JHY: variants seen among roughly 807,000 people sequenced by gnomAD.
JHY encodes junctional cadherin complex regulator.
In JHY, 69 loss-of-function variants were observed where a neutral mutation model predicts 78.0. The ratio of observed to expected loss-of-function variants is 0.88; its 90% CI spans 0.73 to 1.08. The LOEUF (loss-of-function observed/expected upper bound fraction) is 1.08. Ranked by LOEUF, JHY falls within the 50% of genes least tolerant of loss-of-function variation. The probability of loss-of-function intolerance (pLI) is 0.00; values close to 1 mark genes in which losing one functional copy is unlikely to be tolerated. For missense variants in JHY, 944 were observed against 927.8 expected (o/e 1.02, Z -0.23); for synonymous variants, 368 against 342.6 (o/e 1.07, Z -0.82).
At chr11:122,886,290 C>CT in intron 2 of JHY, 97 bp downstream of exon 2, 3 of 1,162,150 alleles carry the variant, frequency 2.6e-6, no homozygotes, top group Non-Finnish European at 3.6e-6. Flanking sequence ...GCAAGCTGCC[C>CT]TAATGAGCGC....
rs903320818 is a variant in JHY, at chr11:122,935,182, GAGA to G, written c.1634+114_1634+116del. The G allele has an allele frequency of 3.5e-5, 36 of 1,029,758 alleles. No individual in the cohort carries two copies. The African/African-American group carries it at 4.7e-4, about 13-fold the overall frequency. 63.8% of individuals were successfully genotyped at this position (1,029,758 alleles called of 1,614,324 possible). ...AGGGGAATCCATAAGGTGGCTAGGT[GAGA>G]AGAAGAGTTCACCTAACAACTTCCT... On this transcript the variant is annotated intron_variant, in intron 5 of 8. Coordinates refer to ENST00000227349, the MANE Select transcript of JHY (RefSeq NM_024806.4). This position sits in a 1 kb window ranked among gnomAD's most constrained non-coding sequence, Gnocchi z 4.5.
intron 2 of JHY, among the ~76,000 whole-genome samples, chr11:122,887,167 A>G (rs1002669898): frequency 2.6e-5 from 4 of 152,224 alleles, no homozygotes; most frequent in Admixed American, 1.3e-4. Context: ...TAGCTGTATA[A>G]CCTTGGCCAA....
At chr11:122,902,206 C>T (rs983851083) in intron 2 of JHY, among the ~76,000 whole-genome samples, 50 of 151,652 alleles carry the variant, frequency 3.3e-4, no homozygotes, top group African/African-American at 1.1e-3. Context: ...CCTGTAATCC[C>T]GAAACTTTGG....
chr11:122,922,933 C>T lies in JHY; in HGVS notation c.865-1964C>T, dbSNP rs146575017. 3.3e-3 allele frequency among the ~76,000 whole-genome samples: 509 copies of T among 151,998 alleles called. 3 individuals carry two copies. Among genetic ancestry groups the T allele is most frequent in the African/African-American group, 0.012 (485 of 41,458 alleles). On this transcript the variant is annotated intron_variant, in intron 3 of 8. Transcript: ENST00000227349. ...GCTGCTTCTCCACTACACAGCCCAC[C>T]AGAGGAAATGTAACAAAACGCATGT...
At chr11:122,947,958 G>A (rs1864000604) in intron 6 of JHY, among the ~76,000 whole-genome samples, 1 of 152,060 alleles carries the variant, frequency 6.6e-6, no homozygotes, top group South Asian at 2.1e-4. Context: ...CCTGGGGAAG[G>A]GTGGTCACTT....
chr11:122,904,477 A>G (rs761196122), intron 3 of JHY, 33 bp downstream of exon 3: 10 of 1,573,326 alleles, frequency 6.4e-6, no homozygotes, highest in Non-Finnish European at 8.6e-6. Context: ...TGTCTTCTGA[A>G]ACATTAAACC....
chr11:122,957,556 C>G, intron 8 of JHY, 65 bp downstream of exon 8: 1 of 981,076 alleles, frequency 1.0e-6, no homozygotes, highest in South Asian at 1.8e-5. Flanking sequence ...TTTATTATCG[C>G]TTTTTTTTTT....
chr11:122,922,807 C>T (rs1365491570), intron 3 of JHY, among the ~76,000 whole-genome samples: 3 of 75,064 alleles, frequency 4.0e-5, no homozygotes, highest in Non-Finnish European at 6.7e-5. Context: ...GAGACTCCGT[C>T]TCAAAAAAAA....
Position 122,961,066 on chromosome 11 carries a change from C to G in JHY, c.*1621C>G. ...GACCTAAAGCTGTTGGCAAAGAAGACTCATGCACAGCCAGTTATGTAAATG... is the reference window on the plus strand; with the variant it reads ...GACCTAAAGCTGTTGGCAAAGAAGAGTCATGCACAGCCAGTTATGTAAATG... On this transcript the variant is annotated 3_prime_UTR_variant, in exon 9 of 9. Coordinates refer to ENST00000227349, the MANE Select transcript of JHY (RefSeq NM_024806.4). The G allele has an allele frequency of 9.5e-7, 1 of 1,048,144 alleles. No homozygotes were observed. Among genetic ancestry groups the G allele is most frequent in the Non-Finnish European group, 1.5e-6 (1 of 680,212 alleles). The allele number at this position is 1,048,144 out of a possible 1,614,324, so 64.9% of individuals were successfully genotyped here. A position where few individuals can be genotyped will look rare whatever the true frequency, so the allele number is the denominator to read the frequency against.
chr11:122,885,792 T>C lies in JHY; in HGVS notation c.-58T>C, dbSNP rs1862481040. The C allele has an allele frequency of 3.0e-6, 4 of 1,344,082 alleles. No individual in the cohort carries two copies. Among genetic ancestry groups the C allele is most frequent in the South Asian group, 1.4e-5 (1 of 71,080 alleles). The allele number at this position is 1,344,082 out of a possible 1,614,324, so 83.3% of individuals were successfully genotyped here. ...CTTTTGTGAACCACAACTTTAAATA[T>C]CAGCCAGCTGCTCCTATCAACACGA... On this transcript the variant is annotated 5_prime_UTR_variant, in exon 2 of 9. Transcript: ENST00000227349.
At position 122,957,357 on chromosome 11, in the gene JHY, G is replaced by T; in HGVS notation, c.2011-6G>T. On this transcript the variant is annotated splice_region_variant and splice_polypyrimidine_tract_variant and intron_variant, in intron 7 of 8. Coordinates refer to ENST00000227349, the MANE Select transcript of JHY (RefSeq NM_024806.4). The stretch of plus-strand genomic sequence containing the variant: ...GGATTCATCATAACTTTGTTTCTCT[G>T]AACAGACGCAAAAATTAATACAGCA... 1.3e-6 allele frequency: 2 copies of T among 1,522,984 alleles called. No individual in the cohort carries two copies. The highest frequency in any genetic ancestry group is 1.3e-5 in the South Asian group (1 of 74,702). The allele number at this position is 1,522,984 out of a possible 1,614,324, so 94.3% of individuals were successfully genotyped here. A position where few individuals can be genotyped will look rare whatever the true frequency, so the allele number is the denominator to read the frequency against.
At chr11:122,941,820 G>A (rs1380635236) in intron 5 of JHY, among the ~76,000 whole-genome samples, 11 of 152,050 alleles carry the variant, frequency 7.2e-5, no homozygotes, top group Non-Finnish European at 1.5e-5. Context: ...TGTTTGGTAA[G>A]GACCATGACA....
intron 2 of JHY, 143 bp from the exon 3 acceptor site, chr11:122,903,781 TG>T: frequency 8.5e-7 from 1 of 1,180,022 alleles, no homozygotes; most frequent in Non-Finnish European, 1.2e-6. Flanking sequence ...TGCACGCTGC[TG>T]GGATTTGTGT....
intron 5 of JHY, among the ~76,000 whole-genome samples, chr11:122,943,293 CTA>C (rs1340859484): frequency 6.6e-6 from 1 of 152,192 alleles, no homozygotes; most frequent in Non-Finnish European, 1.5e-5. Flanking sequence ...TGTTATATAT[CTA>C]ACAAAACAAT....
At chr11:122,903,868 A>G (rs1862916126) in intron 2 of JHY, 57 bp from the exon 3 acceptor site, 2 of 1,508,764 alleles carry the variant, frequency 1.3e-6, no homozygotes, top group South Asian at 1.3e-5. Context: ...TCAACTGACT[A>G]TAATGAGTGA....
chr11:122,893,278 G>T (rs1267228649), intron 2 of JHY, among the ~76,000 whole-genome samples: 1 of 152,156 alleles, frequency 6.6e-6, no homozygotes, highest in Non-Finnish European at 1.5e-5. Context: ...CACAAACTAT[G>T]CTTTAGTTAA....
chr11:122,885,390 A>G (rs1270446753), intron 1 of JHY, among the ~76,000 whole-genome samples: 2 of 152,192 alleles, frequency 1.3e-5, no homozygotes, highest in African/African-American at 2.4e-5. Flanking sequence ...TATATTGCCC[A>G]TAGTTATTTG....
At position 122,941,790 on chromosome 11, in the gene JHY, A is replaced by G. The variant is rs535482287; in HGVS notation, c.1635-4708A>G. Among the ~76,000 whole-genome samples, 17 of 152,334 alleles carry G rather than the reference A, an allele frequency of 1.1e-4. 1 individual carries two copies. The South Asian group carries it at 3.1e-3, about 28-fold the overall frequency. On this transcript the variant is annotated intron_variant, in intron 5 of 8. Transcript: ENST00000227349. ...AGCTGCTTGTAGGATGTGTGACTGCAGGTCACTGTGTGTGCCTCCTGTTTG... is the reference window on the plus strand; with the variant it reads ...AGCTGCTTGTAGGATGTGTGACTGCGGGTCACTGTGTGTGCCTCCTGTTTG...
At chr11:122,956,001 G>C (rs926198821) in intron 6 of JHY, among the ~76,000 whole-genome samples, 5 of 152,018 alleles carry the variant, frequency 3.3e-5, no homozygotes, top group Admixed American at 2.6e-4. Flanking sequence ...CATATATGTT[G>C]TGTTAAAAAC....
Sources: gnomAD v4.1 joint callset for allele counts (sites outside exome capture counted in the v4.1 genomes callset) on GRCh38, gnomAD v4.1.1 for gene constraint, Gnocchi (gnomAD v3.1) non-coding constraint, MANE v1.5 for transcripts, NCBI Gene and HGNC (gene_info 2026-07-23, HGNC 2026-07-21) for gene names.